Variants in SMOC2 observed in about 807,000 individuals in gnomAD.
SMOC2 encodes the protein SPARC related modular calcium binding 2, also known as SPARC-related modular calcium-binding protein 2.
In SMOC2, 39 loss-of-function variants were observed where a neutral mutation model predicts 61.4. The observed-to-expected ratio is 0.64, with a 90% CI of 0.49 to 0.83. The LOEUF (loss-of-function observed/expected upper bound fraction) is 0.83. Among genes scored for constraint, SMOC2 ranks in the 40% least tolerant of loss-of-function variants. SMOC2 has a pLI of 0.00. For synonymous variants in SMOC2, 247 were observed against 239.9 expected, an observed-to-expected ratio of 1.03 and a Z score of -0.27; for missense variants, 556 against 592.9, an observed-to-expected ratio of 0.94 and a Z score of 0.65.
intron 7 of SMOC2, among the ~76,000 whole-genome samples, chr6:168,582,774 T>C (rs1487875125): frequency 6.6e-6 from 1 of 152,114 alleles, no homozygotes; most frequent in Non-Finnish European, 1.5e-5. Context: ...TGCCGGGAAC[T>C]CAGAGCTTAG....
At chr6:168,451,797 T>C (rs1781474679) in intron 1 of SMOC2, among the ~76,000 whole-genome samples, 1 of 152,242 alleles carries the variant, frequency 6.6e-6, no homozygotes, top group African/African-American at 2.4e-5. Flanking sequence ...GATTTCTCTT[T>C]TGGAGAGAGT....
At chr6:168,645,292 T>C (rs1044473554) in intron 9 of SMOC2, among the ~76,000 whole-genome samples, 8 of 152,232 alleles carry the variant, frequency 5.3e-5, no homozygotes, top group African/African-American at 1.9e-4. Flanking sequence ...AATGTATTTC[T>C]TTTACCTTGG....
At chr6:168,609,307 A>G (rs1389393949) in intron 9 of SMOC2, among the ~76,000 whole-genome samples, 1 of 151,800 alleles carries the variant, frequency 6.6e-6, no homozygotes, top group Non-Finnish European at 1.5e-5. Flanking sequence ...GTACCTCCTC[A>G]GTGTCTTCCT....
chr6:168,540,702 A>G (rs1562336612), intron 4 of SMOC2, among the ~76,000 whole-genome samples: 1 of 152,140 alleles, frequency 6.6e-6, no homozygotes, highest in Non-Finnish European at 1.5e-5. Context: ...CCTTGAGAAA[A>G]GCCCAATAGC....
intron 1 of SMOC2, among the ~76,000 whole-genome samples, chr6:168,478,957 C>A (rs528545406): frequency 6.6e-6 from 1 of 151,138 alleles, no homozygotes; most frequent in Admixed American, 6.6e-5. Flanking sequence ...GAGTCAGGAA[C>A]GTTGAATGAT....
chr6:168,579,736 G>C (rs1004099541), intron 7 of SMOC2, among the ~76,000 whole-genome samples: 1 of 152,180 alleles, frequency 6.6e-6, no homozygotes, highest in Non-Finnish European at 1.5e-5. Context: ...ATTGTGGTGG[G>C]TGGGGGTGGC....
intron 1 of SMOC2, among the ~76,000 whole-genome samples, chr6:168,485,960 T>G (rs1441099620): frequency 6.6e-6 from 1 of 152,204 alleles, no homozygotes; most frequent in Non-Finnish European, 1.5e-5. Flanking sequence ...CAACTGCAAA[T>G]ATTTAACTGA....
intron 9 of SMOC2, among the ~76,000 whole-genome samples, chr6:168,615,162 C>T (rs1786036800): frequency 1.6e-5 from 1 of 62,574 alleles, no homozygotes; most frequent in African/African-American, 6.7e-5. Flanking sequence ...TTCACACCTA[C>T]AGCCAGCACA....
In SMOC2 at chr6:168,526,422, T is replaced by C. The variant is rs1289110780; in HGVS notation, c.333T>C (p.Pro111=). Residue 111 remains proline (P), a synonymous_variant, in exon 3 of 13, where the codon CCT becomes CCC. Coordinates refer to ENST00000356284, the MANE Select transcript of SMOC2 (RefSeq NM_001166412.2). The part of the protein sequence containing the change: ...ARKEFQQVFI[P]ECNDDGTYSQ... ...AGGAGTTTCAGCAAGTGTTCATTCC[T>C]GAGTGCAATGACGACGGCACCTACA... 6.2e-7 allele frequency: 1 copy of C among 1,614,072 alleles called. No individual in the cohort carries two copies. The highest frequency in any genetic ancestry group is 1.3e-5 in the African/African-American group (1 of 74,926).
At chr6:168,639,931 T>C (rs775687108) in intron 9 of SMOC2, among the ~76,000 whole-genome samples, 25 of 152,238 alleles carry the variant, frequency 1.6e-4, no homozygotes, top group Non-Finnish European at 3.2e-4. Flanking sequence ...CCTCGGTTCA[T>C]GTGCAGATCT....
At chr6:168,646,209 G>A (rs184228237) in intron 9 of SMOC2, among the ~76,000 whole-genome samples, 15 of 152,258 alleles carry the variant, frequency 9.9e-5, no homozygotes, top group African/African-American at 2.9e-4. Context: ...TCTGGCCCCC[G>A]TCCGTACACC....
At chr6:168,451,442 G>A (rs1007477056) in intron 1 of SMOC2, among the ~76,000 whole-genome samples, 2 of 152,138 alleles carry the variant, frequency 1.3e-5, no homozygotes, top group African/African-American at 4.8e-5. Context: ...TGGGATTAAG[G>A]TGCCTGTAAG....
In SMOC2 at chr6:168,666,476, G is replaced by A; in HGVS notation, c.*38G>A. ...CCGAAGGCAGTTCCTAGACACATGG[G>A]AAATTTCCCTCACCAAAGAGCAATT... On this transcript the variant is annotated 3_prime_UTR_variant, in exon 13 of 13. Coordinates refer to ENST00000356284, the MANE Select transcript of SMOC2 (RefSeq NM_001166412.2). 2 of 1,611,362 alleles carry A rather than the reference G, an allele frequency of 1.2e-6. No individual in the cohort carries two copies. The highest frequency in any genetic ancestry group is 1.7e-6 in the Non-Finnish European group (2 of 1,178,182).
At chr6:168,571,883 G>C (rs867549628) in intron 7 of SMOC2, among the ~76,000 whole-genome samples, 83 of 112,324 alleles carry the variant, frequency 7.4e-4, no homozygotes, top group African/African-American at 2.9e-3. Context: ...ATCCCCGGGT[G>C]CGGGGACCAG....
rs1782734605 is a variant in SMOC2, at chr6:168,501,738, C to T, written c.85-8177C>T. ...GGCTCCTGCTTTCCTCTGGGATCTC[C>T]GTACCCAACAGCGTCACCCAGGGGT... is the stretch of plus-strand genomic sequence containing the variant. On this transcript the variant is annotated intron_variant, in intron 1 of 12. Coordinates refer to ENST00000356284, the MANE Select transcript of SMOC2 (RefSeq NM_001166412.2). 2.0e-5 allele frequency among the ~76,000 whole-genome samples: 3 copies of T among 152,246 alleles called. No homozygotes were observed. The South Asian group carries it at 6.2e-4, about 31-fold the overall frequency.
chr6:168,441,851 G>A (rs927708974), intron 1 of SMOC2, among the ~76,000 whole-genome samples: 1 of 152,112 alleles, frequency 6.6e-6, no homozygotes, highest in African/African-American at 2.4e-5. Context: ...CTGAGCCTGT[G>A]GGGAACCAGG....
At chr6:168,476,169 A>AG (rs1782078329) in intron 1 of SMOC2, among the ~76,000 whole-genome samples, 2 of 152,122 alleles carry the variant, frequency 1.3e-5, no homozygotes, top group Admixed American at 6.5e-5. Context: ...TGGGAAATAC[A>AG]TGAGAGTCTT....
intron 7 of SMOC2, among the ~76,000 whole-genome samples, chr6:168,550,485 G>A (rs1884477): frequency 0.27 from 40,311 of 152,008 alleles, 5,452 homozygotes; most frequent in South Asian, 0.35. Flanking sequence ...AGAACCCCAT[G>A]GCGAGTCTAT....
intron 1 of SMOC2, among the ~76,000 whole-genome samples, chr6:168,485,307 T>G (rs1251938202): frequency 3.3e-5 from 5 of 152,180 alleles, no homozygotes; most frequent in African/African-American, 9.6e-5. Flanking sequence ...TATGAACCAG[T>G]AATTCCTTTC....
Sources: gnomAD v4.1 joint callset for allele counts (sites outside exome capture counted in the v4.1 genomes callset) on GRCh38, gnomAD v4.1.1 for gene constraint, MANE v1.5 for transcripts, NCBI Gene and HGNC (gene_info 2026-07-23, HGNC 2026-07-21) for gene names.